Variants in TSPAN15 observed in about 807,000 individuals in gnomAD.
The protein encoded by TSPAN15 is tetraspanin 15.
Under a neutral mutation model 34.5 loss-of-function variants are expected in TSPAN15, and 20 were observed. The ratio of observed to expected loss-of-function variants is 0.58; its 90% CI spans 0.41 to 0.84. TSPAN15 has a LOEUF of 0.84. Ranked by LOEUF, TSPAN15 falls within the 40% of genes least tolerant of loss-of-function variation. The pLI is 0.00. For missense variants in TSPAN15, 313 were observed against 386.1 expected (o/e 0.81, Z 1.59); for synonymous variants, 155 against 153.9 (o/e 1.01, Z -0.05).
At chr10:69,471,894 T>C (rs1367289708) in intron 1 of TSPAN15, among the ~76,000 whole-genome samples, 1 of 152,202 alleles carries the variant, frequency 6.6e-6, no homozygotes, top group Non-Finnish European at 1.5e-5. Context: ...CTCCCAGCTA[T>C]CTCTTGTTAT....
rs1428393903 is a variant in TSPAN15, at chr10:69,455,608, C to CTTTCTTTCTT, written c.96+3919_96+3920insTTCTTTCTTT. ...TTTCTTTCTCTTTCTTTCTTTCTTT[C>CTTTCTTTCTT]TCTCTCTCTCTCTCTCTCCCCCCCC... On this transcript the variant is annotated intron_variant, in intron 1 of 7. Transcript: ENST00000373290. 5.1e-4 allele frequency among the ~76,000 whole-genome samples: 51 copies of CTTTCTTTCTT among 100,390 alleles called. 3 individuals are homozygous for CTTTCTTTCTT. Among genetic ancestry groups the CTTTCTTTCTT allele is most frequent in the East Asian group, 8.9e-4 (4 of 4,514 alleles). 65.9% of individuals were successfully genotyped at this position (100,390 alleles called of 152,430 possible).
At chr10:69,532,669 G>A in the TSPAN15 span, among the ~76,000 whole-genome samples, 2 of 152,146 alleles carry the variant, frequency 1.3e-5, no homozygotes, top group Non-Finnish European at 2.9e-5. Flanking sequence ...TAAAAACAAA[G>A]ATAAATTGCT....
chr10:69,507,653 T>TTTG lies in TSPAN15; in HGVS notation c.*677_*678insGTT, dbSNP rs1386894047. ...TGTTAATCAAACAATAAAAACATGTTTTTTTTTTTTTTTTTTTTTTGCCTT... is the reference window on the plus strand; with the variant it reads ...TGTTAATCAAACAATAAAAACATGTTTTGTTTTTTTTTTTTTTTTTTTTGCCTT... On this transcript the variant is annotated 3_prime_UTR_variant, in exon 8 of 8. Coordinates refer to ENST00000373290, the MANE Select transcript of TSPAN15 (RefSeq NM_012339.5). The TTTG allele has an allele frequency of 1.5e-4, 54 of 366,738 alleles. No individual in the cohort carries two copies. In the African/African-American group the frequency reaches 8.0e-3, roughly 54 times the overall value. 22.7% of individuals were successfully genotyped at this position (366,738 alleles called of 1,614,324 possible). A position where few individuals can be genotyped will look rare whatever the true frequency, so the allele number is the denominator to read the frequency against.
At chr10:69,503,747 G>A (rs1380698462) in intron 5 of TSPAN15, among the ~76,000 whole-genome samples, 1 of 152,216 alleles carries the variant, frequency 6.6e-6, no homozygotes, top group African/African-American at 2.4e-5. Context: ...TTCCCTGGTG[G>A]TTGGAGAAGG....
chr10:69,508,692 A>G (rs903271646), downstream of TSPAN15, among the ~76,000 whole-genome samples: 1 of 152,180 alleles, frequency 6.6e-6, no homozygotes, highest in Admixed American at 6.5e-5. Context: ...AACTCCTTTA[A>G]TCCTCACGAC....
At chr10:69,543,230 C>T in the TSPAN15 span, among the ~76,000 whole-genome samples, 2 of 152,144 alleles carry the variant, frequency 1.3e-5, no homozygotes, top group South Asian at 4.2e-4. Flanking sequence ...GATTTGGTCT[C>T]CACCACATAC....
At chr10:69,477,409 G>A (rs1024927621) in intron 1 of TSPAN15, among the ~76,000 whole-genome samples, 26 of 152,034 alleles carry the variant, frequency 1.7e-4, no homozygotes, top group African/African-American at 9.7e-5. Flanking sequence ...CACTGCACCC[G>A]GCCACCTTTT....
the TSPAN15 span, among the ~76,000 whole-genome samples, chr10:69,541,376 T>TACA: frequency 1.5e-5 from 2 of 137,026 alleles, no homozygotes; most frequent in African/African-American, 5.2e-5. Context: ...ACTTCCTACA[T>TACA]ACAGGCATTT....
chr10:69,514,924 T>TTCCC, the TSPAN15 span, among the ~76,000 whole-genome samples: 1 of 152,222 alleles, frequency 6.6e-6, no homozygotes, highest in Non-Finnish European at 1.5e-5. Context: ...TTTGAAAGTG[T>TTCCC]CTGTCCTCTC....
the TSPAN15 span, among the ~76,000 whole-genome samples, chr10:69,543,003 G>A: frequency 6.6e-6 from 1 of 152,208 alleles, no homozygotes; most frequent in Non-Finnish European, 1.5e-5. Flanking sequence ...TTGGGGTAGG[G>A]GTGGGGTATT....
intron 1 of TSPAN15, among the ~76,000 whole-genome samples, chr10:69,473,536 C>T (rs995596646): frequency 1.7e-4 from 26 of 152,168 alleles, no homozygotes; most frequent in African/African-American, 4.3e-4. Context: ...GGAGGGGGGC[C>T]GCCCACAGTC....
intron 1 of TSPAN15, among the ~76,000 whole-genome samples, chr10:69,460,863 C>T (rs1841237271): frequency 6.6e-6 from 1 of 152,024 alleles, no homozygotes; most frequent in Non-Finnish European, 1.5e-5. Flanking sequence ...TCAGAAATGT[C>T]CTCTGGGAAG....
chr10:69,459,105 C>CAA lies in TSPAN15; in HGVS notation c.96+7434_96+7435dup, dbSNP rs1259881929. Among the ~76,000 whole-genome samples, 405 of 57,660 alleles carry CAA rather than the reference C, an allele frequency of 7.0e-3. 2 individuals carry two copies. Among genetic ancestry groups the CAA allele is most frequent in the African/African-American group, 0.021 (371 of 18,084 alleles). The allele number at this position is 57,660 out of a possible 152,430, so 37.8% of individuals were successfully genotyped here. On this transcript the variant is annotated intron_variant, in intron 1 of 7. Coordinates refer to ENST00000373290, the MANE Select transcript of TSPAN15 (RefSeq NM_012339.5). ...GTTGATGGGGGGAAAACAAAACAGA[C>CAA]AAAAAAAAAAAAAAAAAAAACAACA...
chr10:69,473,173 G>A (rs1404744827), intron 1 of TSPAN15, among the ~76,000 whole-genome samples: 2 of 152,120 alleles, frequency 1.3e-5, no homozygotes, highest in Non-Finnish European at 2.9e-5. Context: ...TGTTGTTGTT[G>A]TTTTTAGACA....
chr10:69,498,883 G>A (rs911647365), intron 5 of TSPAN15, among the ~76,000 whole-genome samples: 1 of 152,146 alleles, frequency 6.6e-6, no homozygotes, highest in Non-Finnish European at 1.5e-5. Context: ...GCCCAGGCCA[G>A]GGGAGCTTAG....
the TSPAN15 span, among the ~76,000 whole-genome samples, chr10:69,524,998 C>T: frequency 6.1e-5 from 9 of 147,796 alleles, no homozygotes; most frequent in African/African-American, 2.2e-4. Flanking sequence ...CCAGGCTGGT[C>T]TCGAACTCCT....
chr10:69,494,030 A>G (rs1842025033), intron 3 of TSPAN15, among the ~76,000 whole-genome samples: 1 of 152,114 alleles, frequency 6.6e-6, no homozygotes, highest in South Asian at 2.1e-4. Flanking sequence ...GATGGCCCCA[A>G]ACCTGAACCT....
chr10:69,466,497 C>T (rs1841387885), intron 1 of TSPAN15, among the ~76,000 whole-genome samples: 1 of 152,096 alleles, frequency 6.6e-6, no homozygotes, highest in African/African-American at 2.4e-5. Flanking sequence ...ATAATTAGTA[C>T]CTCAAACTTG....
At chr10:69,488,666 C>T (rs900716509) in intron 3 of TSPAN15, among the ~76,000 whole-genome samples, 3 of 152,286 alleles carry the variant, frequency 2.0e-5, no homozygotes, top group African/African-American at 4.8e-5. Context: ...CCATGATGCC[C>T]ACCTGAGCCT....
Sources: gnomAD v4.1 joint callset for allele counts (sites outside exome capture counted in the v4.1 genomes callset) on GRCh38, gnomAD v4.1.1 for gene constraint, MANE v1.5 for transcripts, NCBI Gene and HGNC (gene_info 2026-07-23, HGNC 2026-07-21) for gene names.